Variants in PDE11A observed in about 807,000 individuals in gnomAD.
PDE11A encodes the protein phosphodiesterase 11A.
A neutral mutation model predicts 100.5 loss-of-function variants in PDE11A; 100 were observed. The ratio of observed to expected loss-of-function variants is 1.00; its 90% CI spans 0.85 to 1.18. PDE11A has a LOEUF of 1.18. Among genes scored for constraint, PDE11A ranks in the 50% most tolerant of loss-of-function variants. PDE11A has a pLI of 0.00. For synonymous variants in PDE11A, 381 were observed against 420.8 expected (o/e 0.91, Z 1.16); for missense variants, 1,141 against 1,152.6 (o/e 0.99, Z 0.15).
intron 2 of PDE11A, among the ~76,000 whole-genome samples, chr2:177,964,830 G>A (rs1370922624): frequency 1.3e-5 from 2 of 152,140 alleles, no homozygotes; most frequent in East Asian, 1.9e-4. Context: ...TGCGATGAAC[G>A]TGCATGTATA....
intron 17 of PDE11A, among the ~76,000 whole-genome samples, chr2:177,674,879 T>A (rs1310251654): frequency 6.6e-6 from 1 of 152,148 alleles, no homozygotes; most frequent in East Asian, 1.9e-4. Flanking sequence ...CTAAATACCA[T>A]CAGTAATCCC....
chr2:177,864,999 G>T (rs2084004131), intron 5 of PDE11A, among the ~76,000 whole-genome samples: 1 of 152,070 alleles, frequency 6.6e-6, no homozygotes, highest in Non-Finnish European at 1.5e-5. Context: ...AAACAAATCG[G>T]CCAGGCACAG....
chr2:178,094,859 A>C (rs1269736555), intron 2 of PDE11A, among the ~76,000 whole-genome samples: 1 of 152,138 alleles, frequency 6.6e-6, no homozygotes, highest in South Asian at 2.1e-4. Context: ...GAAAAGGAGG[A>C]ATTTCCAAAC....
rs542690296 is a variant in PDE11A at position 177,924,724 on chromosome 2, C to CT, written c.1072-19538dup. ...GATTCACATTCTGCCGGCTGTTAAG[C>CT]TTTCTTTTTTTTTTTTTATTATACT... On this transcript the variant is annotated intron_variant, in intron 2 of 19. Coordinates refer to ENST00000286063, the MANE Select transcript of PDE11A (RefSeq NM_016953.4). Among the ~76,000 whole-genome samples, 55 of 145,988 alleles carry CT rather than the reference C, an allele frequency of 3.8e-4. No individual in the cohort carries two copies. In the South Asian group the frequency reaches 0.012, roughly 31 times the overall value.
chr2:177,765,650 T>C (rs921355620), intron 10 of PDE11A, among the ~76,000 whole-genome samples: 1 of 152,220 alleles, frequency 6.6e-6, no homozygotes, highest in Non-Finnish European at 1.5e-5. Flanking sequence ...TTTGATGCAC[T>C]GAAACCATAC....
chr2:177,751,700 T>C (rs1338553426), intron 10 of PDE11A, among the ~76,000 whole-genome samples: 2 of 152,224 alleles, frequency 1.3e-5, no homozygotes, highest in Admixed American at 6.5e-5. Flanking sequence ...AAAAATTTAC[T>C]GATTAAGCAA....
chr2:177,951,043 T>C (rs2085499672), intron 2 of PDE11A, among the ~76,000 whole-genome samples: 1 of 152,204 alleles, frequency 6.6e-6, no homozygotes, highest in Non-Finnish European at 1.5e-5. Context: ...CAAACACAAC[T>C]AATATTTTAC....
At position 178,065,923 on chromosome 2, in the gene PDE11A, A is replaced by G. The variant is rs138581854; in HGVS notation, c.912+5603T>C. The stretch of plus-strand genomic sequence containing the variant: ...ATTCCAAAAAGAAAACTGAAATTCA[A>G]TGAAGTACTAAATATTGTTATTCAT... On this transcript the variant is annotated intron_variant, in intron 1 of 19. Coordinates refer to ENST00000286063, the MANE Select transcript of PDE11A (RefSeq NM_016953.4). 3.8e-3 allele frequency among the ~76,000 whole-genome samples: 571 copies of G among 152,110 alleles called. 7 individuals are homozygous for G. Among genetic ancestry groups the G allele is most frequent in the African/African-American group, 0.013 (550 of 41,526 alleles).
At chr2:177,848,039 C>T (rs1027863277) in intron 5 of PDE11A, among the ~76,000 whole-genome samples, 3 of 151,804 alleles carry the variant, frequency 2.0e-5, no homozygotes, top group African/African-American at 7.3e-5. Context: ...TACACTGGTG[C>T]ATAACAAGAA....
intron 2 of PDE11A, among the ~76,000 whole-genome samples, chr2:177,986,367 A>G (rs1412313768): frequency 1.3e-5 from 2 of 152,122 alleles, no homozygotes; most frequent in Non-Finnish European, 2.9e-5. Flanking sequence ...AAGCCTTTTC[A>G]CAGTCTCTGT....
chr2:177,952,349 G>T (rs2085514840), intron 2 of PDE11A, among the ~76,000 whole-genome samples: 1 of 152,058 alleles, frequency 6.6e-6, no homozygotes, highest in African/African-American at 2.4e-5. Context: ...TTCCCTCATT[G>T]CATACAGTTT....
At chr2:177,722,544 G>A (rs1030663585) in intron 12 of PDE11A, among the ~76,000 whole-genome samples, 2 of 152,152 alleles carry the variant, frequency 1.3e-5, no homozygotes, top group African/African-American at 4.8e-5. Context: ...GAAGCATGGA[G>A]TGCCTAATTG....
At chr2:177,875,356 C>CATTT (rs962502106) in intron 5 of PDE11A, among the ~76,000 whole-genome samples, 133 of 151,886 alleles carry the variant, frequency 8.8e-4, no homozygotes, top group African/African-American at 1.0e-3. Context: ...GATGTATATG[C>CATTT]ATTTATTTAT....
At chr2:177,863,650 A>T (rs891437576) in intron 5 of PDE11A, among the ~76,000 whole-genome samples, 4 of 152,062 alleles carry the variant, frequency 2.6e-5, no homozygotes, top group Non-Finnish European at 5.9e-5. Context: ...GATACACCTC[A>T]TACCCATTAG....
chr2:178,003,280 CAAG>C (rs2086166764), intron 2 of PDE11A, among the ~76,000 whole-genome samples: 2 of 152,072 alleles, frequency 1.3e-5, no homozygotes, highest in South Asian at 4.2e-4. Flanking sequence ...TCATAATAGT[CAAG>C]AAGTGGAAAC....
At chr2:178,007,101 T>C (rs1417807244) in intron 2 of PDE11A, among the ~76,000 whole-genome samples, 2 of 152,208 alleles carry the variant, frequency 1.3e-5, no homozygotes, top group Non-Finnish European at 2.9e-5. Context: ...CCACTACATC[T>C]ATGTTAAGAT....
chr2:178,085,253 A>C (rs2087335029), intron 2 of PDE11A, among the ~76,000 whole-genome samples: 3 of 152,226 alleles, frequency 2.0e-5, no homozygotes. Flanking sequence ...AATGGCATGG[A>C]AACTATTATC....
intron 19 of PDE11A, among the ~76,000 whole-genome samples, chr2:177,648,175 T>C (rs1040306127): frequency 3.9e-5 from 6 of 152,134 alleles, no homozygotes; most frequent in African/African-American, 1.2e-4. Context: ...CATATACCAC[T>C]AGGTATATGT....
intron 10 of PDE11A, among the ~76,000 whole-genome samples, chr2:177,733,033 C>T (rs1402088596): frequency 6.6e-6 from 1 of 152,188 alleles, no homozygotes; most frequent in Non-Finnish European, 1.5e-5. Context: ...CTTCCATTGA[C>T]AAATTCCTTG....
Sources: gnomAD v4.1 joint callset for allele counts (sites outside exome capture counted in the v4.1 genomes callset) on GRCh38, gnomAD v4.1.1 for gene constraint, MANE v1.5 for transcripts, NCBI Gene and HGNC (gene_info 2026-07-23, HGNC 2026-07-21) for gene names.